YWHAZ: variants seen among roughly 807,000 people sequenced by gnomAD.
YWHAZ encodes 14-3-3 protein zeta/delta.
For synonymous variants in YWHAZ, 87 were observed against 103.6 expected (o/e 0.84, Z 0.97); for missense variants, 79 against 284.8 (o/e 0.28, Z 5.20).
chr8:100,951,954 C>T lies in YWHAZ; in HGVS notation c.-37G>A. 1 of 1,001,716 alleles carries T rather than the reference C, an allele frequency of 1.0e-6. No homozygotes were observed. The highest frequency in any genetic ancestry group is 1.2e-6 in the Non-Finnish European group (1 of 841,386). The allele number at this position is 1,001,716 out of a possible 1,614,324, so 62.1% of individuals were successfully genotyped here. A position where few individuals can be genotyped will look rare whatever the true frequency, so the allele number is the denominator to read the frequency against. On this transcript the variant is annotated 5_prime_UTR_variant, in exon 1 of 6. Transcript: ENST00000395958. Reference sequence around the variant, plus strand: ...CTGTGTCCGGAGTGGGTGGTGGCGGCGGACGGACGGGCTCAGCAGTCTCTG... The same window carrying T: ...CTGTGTCCGGAGTGGGTGGTGGCGGTGGACGGACGGGCTCAGCAGTCTCTG...
rs996849324 is a variant in YWHAZ, at chr8:100,917,334, C to T, written c.*3359G>A. The T allele has an allele frequency of 6.6e-6, 1 of 152,168 alleles. No homozygotes were observed. 9.4% of individuals were successfully genotyped at this position (152,168 alleles called of 1,614,324 possible). On this transcript the variant is annotated 3_prime_UTR_variant, in exon 6 of 6. Transcript: ENST00000395958. ...AGCTGTTAACTGGAAAAACAAAGACCATAAGCCAGAGCTGCAGGAAAGCCC... is the reference window on the plus strand; with the variant it reads ...AGCTGTTAACTGGAAAAACAAAGACTATAAGCCAGAGCTGCAGGAAAGCCC...
At chr8:100,951,891 G>A in intron 1 of YWHAZ, 38 bp downstream of exon 1, 1 of 992,552 alleles carries the variant, frequency 1.0e-6, no homozygotes, top group Non-Finnish European at 1.2e-6. Flanking sequence ...GCTGGCCTGG[G>A]ACAGGAAGCG....
chr8:100,929,262 CA>C (rs1336911138), intron 2 of YWHAZ, among the ~76,000 whole-genome samples: 8 of 149,970 alleles, frequency 5.3e-5, no homozygotes, highest in African/African-American at 2.0e-4. Context: ...TGCAGTGGCG[CA>C]ATGTCGGCTC....
upstream of YWHAZ, chr8:100,952,243 G>A (rs770210634): frequency 3.7e-3 from 2,737 of 739,238 alleles, 6 homozygotes; most frequent in Non-Finnish European, 4.2e-3. Context: ...GCGCGTCCTC[G>A]CCCGCAGCCG....
intron 2 of YWHAZ, among the ~76,000 whole-genome samples, chr8:100,930,857 A>G (rs1284533832): frequency 6.6e-6 from 1 of 152,220 alleles, no homozygotes; most frequent in Non-Finnish European, 1.5e-5. Flanking sequence ...GAGTTAATGC[A>G]TTTATACAGC....
At chr8:100,951,584 C>A (rs1365098665) in intron 1 of YWHAZ, 1 of 985,032 alleles carries the variant, frequency 1.0e-6, no homozygotes, top group Non-Finnish European at 1.2e-6. Flanking sequence ...CCGGCGGCGC[C>A]CCGGCCATGC....
At chr8:100,938,540 A>G (rs1051366179) in intron 2 of YWHAZ, among the ~76,000 whole-genome samples, 5 of 152,334 alleles carry the variant, frequency 3.3e-5, no homozygotes, top group African/African-American at 1.2e-4. Context: ...ATCCTCATTA[A>G]TAGATTTAAT....
Position 100,948,512 on chromosome 8 carries a change from A to G in YWHAZ, c.294+84T>C. The G allele has an allele frequency of 6.9e-7, 1 of 1,445,366 alleles. No homozygotes were observed. Among genetic ancestry groups the G allele is most frequent in the Non-Finnish European group, 9.3e-7 (1 of 1,075,186 alleles). 89.5% of individuals were successfully genotyped at this position (1,445,366 alleles called of 1,614,324 possible). On this transcript the variant is annotated intron_variant, in intron 2 of 5. Coordinates refer to ENST00000395958, the MANE Select transcript of YWHAZ (RefSeq NM_145690.3). The surrounding 1 kb of genome is among the most constrained non-coding windows in gnomAD (Gnocchi z 4.2). Reference sequence around the variant, plus strand: ...ACACAATGTTTAGAAGGAAAAGAAAAACCAAACAAAAAGTTAAGAGTAATG... The same window carrying G: ...ACACAATGTTTAGAAGGAAAAGAAAGACCAAACAAAAAGTTAAGAGTAATG...
upstream of YWHAZ, chr8:100,952,722 G>T: frequency 1.1e-6 from 1 of 924,998 alleles, no homozygotes; most frequent in Non-Finnish European, 1.3e-6. Flanking sequence ...GGCAGGGCGC[G>T]GTCGCACGGC....
chr8:100,941,544 G>A (rs1166102201), intron 2 of YWHAZ, among the ~76,000 whole-genome samples: 1 of 152,140 alleles, frequency 6.6e-6, no homozygotes, highest in Non-Finnish European at 1.5e-5. Context: ...CAGCACTTTG[G>A]GAGGCCGGGG....
chr8:100,951,533 G>C, intron 1 of YWHAZ: 1 of 985,640 alleles, frequency 1.0e-6, no homozygotes, highest in Non-Finnish European at 1.2e-6. Context: ...GCGAGGGAGG[G>C]GGTGGAAGCC....
intron 1 of YWHAZ, among the ~76,000 whole-genome samples, chr8:100,950,747 C>T (rs117524111): frequency 0.05 from 7,549 of 152,084 alleles, 242 homozygotes; most frequent in Non-Finnish European, 0.076. Context: ...CTACCAGCCC[C>T]GCCGCGGACA....
At chr8:100,929,523 T>C (rs1012627244) in intron 2 of YWHAZ, among the ~76,000 whole-genome samples, 4 of 152,230 alleles carry the variant, frequency 2.6e-5, no homozygotes, top group African/African-American at 9.7e-5. Flanking sequence ...CTTCTATTTG[T>C]GTTAGGAGCA....
At chr8:100,940,611 A>G (rs1718934120) in intron 2 of YWHAZ, among the ~76,000 whole-genome samples, 2 of 152,250 alleles carry the variant, frequency 1.3e-5, no homozygotes, top group Admixed American at 6.5e-5. Flanking sequence ...TTAATCCAAA[A>G]TTTATAAATG....
chr8:100,949,647 T>A (rs557423410), intron 1 of YWHAZ, among the ~76,000 whole-genome samples: 61 of 152,320 alleles, frequency 4.0e-4, no homozygotes, highest in African/African-American at 1.4e-3. Context: ...TTACTGTGAG[T>A]ACTAGAATAT....
At chr8:100,941,622 T>A (rs925027091) in intron 2 of YWHAZ, among the ~76,000 whole-genome samples, 4 of 151,954 alleles carry the variant, frequency 2.6e-5, no homozygotes, top group Non-Finnish European at 5.9e-5. Flanking sequence ...CCGTCTCTAC[T>A]AAAAATACAA....
At chr8:100,923,660 T>G in intron 5 of YWHAZ, 1 of 209,768 alleles carries the variant, frequency 4.8e-6, no homozygotes, top group Non-Finnish European at 9.4e-6. Flanking sequence ...GGCAAGAAAA[T>G]CATTCTTAAA....
rs200465808 is a variant in YWHAZ, at chr8:100,930,367, G to GT, written c.295-5329_295-5328insA. Among the ~76,000 whole-genome samples, 787 of 152,308 alleles carry GT rather than the reference G, an allele frequency of 5.2e-3. 9 individuals are homozygous for GT. Among genetic ancestry groups the GT allele is most frequent in the African/African-American group, 0.017 (717 of 41,564 alleles). On this transcript the variant is annotated intron_variant, in intron 2 of 5. Coordinates refer to ENST00000395958, the MANE Select transcript of YWHAZ (RefSeq NM_145690.3). ...CTGCCTCAGCCTCCCAAAGTGCTGG[G>GT]ATTACAGGTGTGAGCCACCGCGCCC...
Position 100,920,470 on chromosome 8 carries a change from T to C in YWHAZ, c.*223A>G. 1.8e-6 allele frequency: 1 copy of C among 558,458 alleles called. No individual in the cohort carries two copies. The allele number at this position is 558,458 out of a possible 1,614,324, so 34.6% of individuals were successfully genotyped here. The stretch of plus-strand genomic sequence containing the variant: ...CTTGTATAAAAATTCCACATCCCCA[T>C]ATTGGCCACCTCAAGATGAAAACAG... On this transcript the variant is annotated 3_prime_UTR_variant, in exon 6 of 6. Transcript: ENST00000395958.
Sources: allele counts gnomAD v4.1 joint callset (sites outside exome capture counted in the v4.1 genomes callset), GRCh38; gene constraint gnomAD v4.1.1; non-coding constraint Gnocchi (gnomAD v3.1); transcripts MANE v1.5; gene names NCBI Gene and HGNC (gene_info 2026-07-23, HGNC 2026-07-21).